Variants in CCSER1 observed in about 807,000 individuals in gnomAD.
CCSER1 encodes coiled-coil serine rich protein 1, also known as serine-rich coiled-coil domain-containing protein 1.
In CCSER1, 41 loss-of-function variants were observed where a neutral mutation model predicts 82.0. The ratio of observed to expected loss-of-function variants is 0.50; its 90% CI spans 0.39 to 0.65. The LOEUF (loss-of-function observed/expected upper bound fraction) is 0.65. CCSER1 is among the 30% of genes least tolerant of loss of function. The pLI is 0.00. For synonymous variants in CCSER1, 414 were observed against 383.9 expected (o/e 1.08, Z -0.92); for missense variants, 1,119 against 1,064.2 (o/e 1.05, Z -0.72).
intron 10 of CCSER1, among the ~76,000 whole-genome samples, chr4:91,346,790 G>C (rs191115565): frequency 2.6e-4 from 39 of 152,110 alleles, no homozygotes; most frequent in Admixed American, 2.4e-3. Context: ...GTTTTAGTGA[G>C]GTGTCTATAG....
At chr4:91,210,114 G>A (rs1736685943) in intron 10 of CCSER1, among the ~76,000 whole-genome samples, 1 of 151,734 alleles carries the variant, frequency 6.6e-6, no homozygotes, top group South Asian at 2.1e-4. Context: ...AGACATATCA[G>A]ATGACCTAAA....
At position 91,283,743 on chromosome 4, in the gene CCSER1, C is replaced by A. The variant is rs114960715; in HGVS notation, c.2217+197749C>A. 5.0e-3 allele frequency among the ~76,000 whole-genome samples: 753 copies of A among 152,106 alleles called. 2 individuals carry two copies. Among genetic ancestry groups the A allele is most frequent in the African/African-American group, 0.017 (706 of 41,502 alleles). On this transcript the variant is annotated intron_variant, in intron 10 of 10. Coordinates refer to ENST00000509176, the MANE Select transcript of CCSER1 (RefSeq NM_001145065.2). ...ATTTTGATTTCTATTCATTTCTCCA[C>A]CATTTTCTACTGTTACTAATGCTGA...
Position 90,196,531 on chromosome 4 carries a change from A to G in CCSER1, c.-42+68700A>G, listed in dbSNP as rs374906051. Among the ~76,000 whole-genome samples the G allele has an allele frequency of 2.4e-3, 364 of 152,088 alleles. 6 individuals carry two copies. The South Asian group carries it at 0.027, about 11-fold the overall frequency. On this transcript the variant is annotated intron_variant, in intron 1 of 10. Transcript: ENST00000509176. Reference sequence around the variant, plus strand: ...TTCTTTAATTTGGGCAAACTCTCCCAGGCTCTCTCAGCTCCAGAGCTGGAG... The same window carrying G: ...TTCTTTAATTTGGGCAAACTCTCCCGGGCTCTCTCAGCTCCAGAGCTGGAG...
intron 6 of CCSER1, among the ~76,000 whole-genome samples, chr4:90,649,333 T>C (rs950987940): frequency 2.0e-5 from 3 of 152,210 alleles, no homozygotes; most frequent in African/African-American, 7.2e-5. Context: ...ATTACTATTA[T>C]AAACAGTATG....
At chr4:90,982,886 G>A (rs1736242215) in intron 9 of CCSER1, among the ~76,000 whole-genome samples, 1 of 151,736 alleles carries the variant, frequency 6.6e-6, no homozygotes, top group East Asian at 1.9e-4. Flanking sequence ...AAAAAAGATA[G>A]AGTCCTTAGA....
chr4:91,543,295 A>G (rs1156753378), intron 10 of CCSER1, among the ~76,000 whole-genome samples: 2 of 152,126 alleles, frequency 1.3e-5, no homozygotes, highest in East Asian at 1.9e-4. Context: ...CATTTATCCC[A>G]TTTACATTTA....
At chr4:91,388,453 T>C (rs1265220718) in intron 10 of CCSER1, among the ~76,000 whole-genome samples, 1 of 152,102 alleles carries the variant, frequency 6.6e-6, no homozygotes, top group Non-Finnish European at 1.5e-5. Flanking sequence ...ATAGGGAAAC[T>C]ATATGTTTAC....
intron 10 of CCSER1, among the ~76,000 whole-genome samples, chr4:91,110,999 T>C (rs72888528): frequency 2.7e-3 from 408 of 152,054 alleles, no homozygotes; most frequent in African/African-American, 9.1e-3. Context: ...TTCTTAGGTG[T>C]ATTTGAGTTA....
chr4:90,880,671 G>T (rs1447714034), intron 8 of CCSER1, among the ~76,000 whole-genome samples: 3 of 152,170 alleles, frequency 2.0e-5, no homozygotes, highest in Non-Finnish European at 2.9e-5. Flanking sequence ...CAGTCCCAGA[G>T]GAACTGTCTG....
intron 5 of CCSER1, among the ~76,000 whole-genome samples, chr4:90,487,803 G>A (rs912345035): frequency 2.0e-5 from 3 of 151,980 alleles, no homozygotes; most frequent in African/African-American, 4.8e-5. Flanking sequence ...CACTATGCCC[G>A]GCTAATTTTT....
chr4:90,549,573 A>C (rs939377832), intron 5 of CCSER1, among the ~76,000 whole-genome samples: 5 of 152,172 alleles, frequency 3.3e-5, no homozygotes, highest in Admixed American at 1.3e-4. Flanking sequence ...TGCACAGGGA[A>C]CTGTGTACCA....
At position 90,646,760 on chromosome 4, in the gene CCSER1, T is replaced by C. The variant is rs573260236; in HGVS notation, c.1932+18528T>C. ...CAGTAAAGCAATGCATAGATTACTTTTAATGACCCACCCTTTCCTTTCATT... is the reference window on the plus strand; with the variant it reads ...CAGTAAAGCAATGCATAGATTACTTCTAATGACCCACCCTTTCCTTTCATT... On this transcript the variant is annotated intron_variant, in intron 6 of 10. Coordinates refer to ENST00000509176, the MANE Select transcript of CCSER1 (RefSeq NM_001145065.2). 3.3e-4 allele frequency among the ~76,000 whole-genome samples: 51 copies of C among 152,288 alleles called. No homozygotes were observed. The South Asian group carries it at 1.0e-2, about 30-fold the overall frequency.
chr4:90,357,064 A>T (rs1744488718), intron 3 of CCSER1, among the ~76,000 whole-genome samples: 1 of 151,914 alleles, frequency 6.6e-6, no homozygotes, highest in Admixed American at 6.6e-5. Flanking sequence ...CTTTTAACTC[A>T]ATAGAAAAAG....
rs1553920616 is a variant in CCSER1 at position 91,288,075 on chromosome 4, T to TATAC, written c.2217+202082_2217+202083insTACA. On this transcript the variant is annotated intron_variant, in intron 10 of 10. Transcript: ENST00000509176. ...AGTTTATTTAGGATATATATATATA[T>TATAC]ACACTCATATATATATAGGATATAT... Among the ~76,000 whole-genome samples, 263 of 147,722 alleles carry TATAC rather than the reference T, an allele frequency of 1.8e-3. 1 individual carries two copies. Among genetic ancestry groups the TATAC allele is most frequent in the African/African-American group, 6.4e-3 (256 of 40,290 alleles).
At chr4:91,593,493 T>TTTTTTTTTTTTTTTTTTTG (rs1421860268) in intron 10 of CCSER1, among the ~76,000 whole-genome samples, 1 of 146,416 alleles carries the variant, frequency 6.8e-6, no homozygotes, top group Non-Finnish European at 1.5e-5. Context: ...TTTTTTTTTT[T>TTTTTTTTTTTTTTTTTTTG]AGTACAGACA....
chr4:90,531,631 T>A (rs1774546700), intron 5 of CCSER1, among the ~76,000 whole-genome samples: 1 of 152,146 alleles, frequency 6.6e-6, no homozygotes, highest in South Asian at 2.1e-4. Flanking sequence ...GTCAGGATAG[T>A]CAGGACACAC....
chr4:90,396,417 A>C (rs371577908), intron 3 of CCSER1, among the ~76,000 whole-genome samples: 40 of 152,320 alleles, frequency 2.6e-4, no homozygotes, highest in African/African-American at 9.4e-4. Flanking sequence ...TTGGCTATAC[A>C]GACAGAAGGA....
At chr4:91,027,251 A>C (rs1170154497) in intron 9 of CCSER1, among the ~76,000 whole-genome samples, 3 of 152,102 alleles carry the variant, frequency 2.0e-5, no homozygotes, top group African/African-American at 7.2e-5. Context: ...ATTCTAATTT[A>C]GTCACCACAT....
chr4:91,413,538 A>G (rs746771010), intron 10 of CCSER1, among the ~76,000 whole-genome samples: 2 of 151,974 alleles, frequency 1.3e-5, no homozygotes, highest in Non-Finnish European at 2.9e-5. Context: ...AAAAATTAAA[A>G]CAAGCATAAG....
Sources: allele counts gnomAD v4.1 joint callset (sites outside exome capture counted in the v4.1 genomes callset), GRCh38; gene constraint gnomAD v4.1.1; transcripts MANE v1.5; gene names NCBI Gene and HGNC (gene_info 2026-07-23, HGNC 2026-07-21).